Variants in PID1 observed in about 807,000 individuals in gnomAD.
PID1 encodes PTB-containing, cubilin and LRP1-interacting protein.
Under a neutral mutation model 19.1 loss-of-function variants are expected in PID1, and 10 were observed. That is an observed-to-expected ratio of 0.52 (90% confidence interval 0.32 to 0.89). The LOEUF (loss-of-function observed/expected upper bound fraction) is 0.89, where lower values mean the gene tolerates loss of function less well. PID1 is among the 40% of genes least tolerant of loss of function. The pLI is 0.03. For missense variants in PID1, 248 were observed against 285.3 expected (o/e 0.87, Z 0.94); for synonymous variants, 130 against 116.0 (o/e 1.12, Z -0.78).
At chr2:229,242,579 C>T (rs1689898328) in intron 1 of PID1, among the ~76,000 whole-genome samples, 1 of 152,104 alleles carries the variant, frequency 6.6e-6, no homozygotes, top group Admixed American at 6.6e-5. Context: ...TTCACCCTCA[C>T]TCAAAACCTC....
intron 1 of PID1, among the ~76,000 whole-genome samples, chr2:229,245,812 T>G (rs148177661): frequency 6.6e-6 from 1 of 152,166 alleles, no homozygotes; most frequent in Non-Finnish European, 1.5e-5. Context: ...CAGTACTTAG[T>G]AGGGCTAAAA....
chr2:229,178,524 A>G (rs1690873488), intron 1 of PID1, among the ~76,000 whole-genome samples: 1 of 152,200 alleles, frequency 6.6e-6, no homozygotes, highest in African/African-American at 2.4e-5. Context: ...TTGTCCCAAC[A>G]TTAATCTTGA....
At chr2:229,254,829 G>A (rs1031334843) in intron 1 of PID1, among the ~76,000 whole-genome samples, 4 of 152,184 alleles carry the variant, frequency 2.6e-5, no homozygotes, top group African/African-American at 9.7e-5. Context: ...ATGTATATTT[G>A]TATTTTCTGA....
intron 1 of PID1, among the ~76,000 whole-genome samples, chr2:229,163,032 A>G (rs1690521141): frequency 2.6e-5 from 4 of 152,320 alleles, no homozygotes; most frequent in African/African-American, 7.2e-5. Flanking sequence ...TGAAAGAAGA[A>G]AACTTTTACT....
chr2:229,081,058 C>G (rs916567481), intron 2 of PID1, among the ~76,000 whole-genome samples: 10 of 152,104 alleles, frequency 6.6e-5, no homozygotes, highest in Admixed American at 3.3e-4. Flanking sequence ...CTCTAAAAAC[C>G]TCTGCTTTCC....
In PID1 at chr2:229,148,205, C is replaced by T. The variant is rs779608673; in HGVS notation, c.177+7613G>A. On this transcript the variant is annotated intron_variant, in intron 2 of 2. Transcript: ENST00000392055. ...ATAAAGAGCTTTGCCAAAGCCACCA[C>T]GGCTGTTGGTGGAAAGACCACAGTA... is the stretch of plus-strand genomic sequence containing the variant. Among the ~76,000 whole-genome samples the T allele has an allele frequency of 8.4e-4, 128 of 152,298 alleles. 1 individual carries two copies. Among genetic ancestry groups the T allele is most frequent in the Admixed American group, 1.6e-3 (24 of 15,298 alleles).
chr2:229,249,413 G>A (rs1318242371), intron 1 of PID1, among the ~76,000 whole-genome samples: 1 of 152,102 alleles, frequency 6.6e-6, no homozygotes, highest in African/African-American at 2.4e-5. Context: ...CAGAAATTAA[G>A]AGAGATGACA....
At chr2:229,080,402 C>G (rs1245126115) in intron 2 of PID1, among the ~76,000 whole-genome samples, 1 of 152,120 alleles carries the variant, frequency 6.6e-6, no homozygotes, top group African/African-American at 2.4e-5. Flanking sequence ...CCTGCATTCT[C>G]TCCCGGGCAT....
chr2:229,103,956 C>T (rs923993687), intron 2 of PID1, among the ~76,000 whole-genome samples: 3 of 152,182 alleles, frequency 2.0e-5, no homozygotes, highest in Non-Finnish European at 4.4e-5. Context: ...ATGTTTGGAT[C>T]ATCAAAGAAA....
At chr2:229,211,109 G>T (rs1421066332) in intron 1 of PID1, among the ~76,000 whole-genome samples, 2 of 152,136 alleles carry the variant, frequency 1.3e-5, no homozygotes, top group Non-Finnish European at 2.9e-5. Flanking sequence ...GCAACTTGGG[G>T]ACAGTGAAAT....
intron 2 of PID1, among the ~76,000 whole-genome samples, chr2:229,129,376 T>G (rs916573819): frequency 1.9e-4 from 28 of 143,608 alleles, no homozygotes; most frequent in African/African-American, 7.4e-4. Flanking sequence ...ATTGCGCCAC[T>G]GCACCCCAGC....
At chr2:229,050,355 T>C (rs1394483361) in intron 2 of PID1, among the ~76,000 whole-genome samples, 1 of 152,146 alleles carries the variant, frequency 6.6e-6, no homozygotes, top group African/African-American at 2.4e-5. Context: ...CCAGCAGAGC[T>C]CTAGTGCTCT....
At chr2:229,078,529 G>C (rs567864181) in intron 2 of PID1, among the ~76,000 whole-genome samples, 2 of 152,204 alleles carry the variant, frequency 1.3e-5, no homozygotes, top group Admixed American at 6.5e-5. Flanking sequence ...ATTAGCTGTG[G>C]GTTTGTCATA....
At chr2:229,057,012 A>G (rs2106189363) in intron 2 of PID1, among the ~76,000 whole-genome samples, 1 of 128,070 alleles carries the variant, frequency 7.8e-6, no homozygotes, top group Non-Finnish European at 1.6e-5. Flanking sequence ...AATACAAGCC[A>G]CTTTATCATA....
intron 2 of PID1, among the ~76,000 whole-genome samples, chr2:229,114,679 C>T (rs1288284995): frequency 6.6e-6 from 1 of 152,142 alleles, no homozygotes; most frequent in African/African-American, 2.4e-5. Context: ...TCTGTGCATC[C>T]TCTCCCACAA....
chr2:229,131,368 C>A lies in PID1; in HGVS notation c.177+24450G>T, dbSNP rs755614057. Reference sequence around the variant, plus strand: ...GCCTCAGCCTCCCAAGTAGCTGGGACTACAGGCATGTGCCACCACACCTGG... The same window carrying A: ...GCCTCAGCCTCCCAAGTAGCTGGGAATACAGGCATGTGCCACCACACCTGG... On this transcript the variant is annotated intron_variant, in intron 2 of 2. Coordinates refer to ENST00000392055, the MANE Select transcript of PID1 (RefSeq NM_001100818.2). 2.0e-5 allele frequency among the ~76,000 whole-genome samples: 3 copies of A among 151,894 alleles called. No homozygotes were observed. The East Asian group carries it at 5.8e-4, about 29-fold the overall frequency.
intron 2 of PID1, among the ~76,000 whole-genome samples, chr2:229,067,848 T>G (rs1324336465): frequency 6.6e-6 from 1 of 152,202 alleles, no homozygotes; most frequent in Non-Finnish European, 1.5e-5. Context: ...CATCTTGGCT[T>G]CTGGTCATGC....
At chr2:229,254,008 G>A (rs982883525) in intron 1 of PID1, among the ~76,000 whole-genome samples, 7 of 152,270 alleles carry the variant, frequency 4.6e-5, no homozygotes, top group East Asian at 1.9e-4. Context: ...GACCTTCTTC[G>A]GAAATGGTTG....
intron 2 of PID1, among the ~76,000 whole-genome samples, chr2:229,073,543 C>A (rs1421221938): frequency 6.6e-6 from 1 of 152,154 alleles, no homozygotes; most frequent in Non-Finnish European, 1.5e-5. Context: ...CAGAACTAAC[C>A]CTATCCCCCA....
Sources: allele counts gnomAD v4.1 joint callset (sites outside exome capture counted in the v4.1 genomes callset), GRCh38; gene constraint gnomAD v4.1.1; transcripts MANE v1.5; gene names NCBI Gene and HGNC (gene_info 2026-07-23, HGNC 2026-07-21).